The following TRIM63 variants were observed in gnomAD, a reference collection of about 807,000 sequenced individuals.
TRIM63 encodes the protein E3 ubiquitin-protein ligase TRIM63.
Under a neutral mutation model 46.0 loss-of-function variants are expected in TRIM63, and 48 were observed. The ratio of observed to expected loss-of-function variants is 1.04; its 90% confidence interval spans 0.83 to 1.33. The LOEUF (loss-of-function observed/expected upper bound fraction) is 1.33, where lower values mean the gene tolerates loss of function less well. Among genes scored for constraint, TRIM63 ranks in the 40% most tolerant of loss-of-function variants. The pLI is 0.00. For synonymous variants in TRIM63, 175 were observed against 162.8 expected, an observed-to-expected ratio of 1.08 and a Z score of -0.57; for missense variants, 455 against 441.2, an observed-to-expected ratio of 1.03 and a Z score of -0.28.
At position 26,067,388 on chromosome 1, in the gene TRIM63, A is replaced by G. The variant is rs764110952; in HGVS notation, c.107T>C (p.Ile36Thr). 9.9e-6 allele frequency: 16 copies of G among 1,614,072 alleles called. No homozygotes were observed. Among genetic ancestry groups the G allele is most frequent in the Non-Finnish European group, 8.5e-7 (1 of 1,180,046 alleles). ...CLEMFTKPVV[I>T]LPCQHNLCRK... is the part of the protein sequence containing the mutation. ...GCACAGGTTGTGCTGGCACGGCAAG[A>G]TGACCACTGGCTTGGTAAACATCTC... Residue 36 changes from isoleucine to threonine, a missense_variant, in exon 1 of 9, where the codon ATC (isoleucine) becomes ACC (threonine). Physicochemically the swap from Ile to Thr is moderately conservative, Grantham distance 89. Coordinates refer to ENST00000374272, the MANE Select transcript of TRIM63 (RefSeq NM_032588.4).
In TRIM63 at chr1:26,067,360, C is replaced by T. The variant is rs61760891; in HGVS notation, c.135G>A (p.Arg45=). ...CCTGGAAGATGTCATTGGCACACTT[C>T]CGGCACAGGTTGTGCTGGCACGGCA... ...VILPCQHNLC[R]KCANDIFQAA... is the part of the protein sequence containing the mutation. Residue 45 remains arginine (R), a synonymous_variant, in exon 1 of 9, where the codon CGG becomes CGA. Transcript: ENST00000374272. The T allele has an allele frequency of 2.5e-6, 4 of 1,614,046 alleles. No individual in the cohort carries two copies. In the African/African-American group the frequency reaches 5.3e-5, roughly 22 times the overall value.
chr1:26,066,024 A>C (rs2050673548), intron 2 of TRIM63, among the ~76,000 whole-genome samples: 1 of 152,056 alleles, frequency 6.6e-6, no homozygotes, highest in Non-Finnish European at 1.5e-5. Context: ...TCTTTCCCCC[A>C]GTCTCTGTCT....
Position 26,061,168 on chromosome 1 carries a change from T to C in TRIM63, c.499A>G (p.Lys167Glu), listed in dbSNP as rs752830787. The C allele has an allele frequency of 1.2e-6, 2 of 1,613,496 alleles. No individual in the cohort carries two copies. The highest frequency in any genetic ancestry group is 1.3e-5 in the African/African-American group (1 of 74,920). ...APLQSVFQGQ[K>E]TELNNCISML... Reference sequence around the variant, plus strand: ...GTAAAAGTGGCTGGAGACAGTACCTTTTGTCCCTGGAAGACACTCTGCAAT... The same window carrying C: ...GTAAAAGTGGCTGGAGACAGTACCTCTTGTCCCTGGAAGACACTCTGCAAT... The change falls in exon 3 of 9, where the codon AAG becomes GAG. Residue 167 changes from lysine (K) to glutamate (E), a missense_variant and splice_region_variant. Coordinates refer to ENST00000374272, the MANE Select transcript of TRIM63 (RefSeq NM_032588.4).
At chr1:26,061,106 G>C (rs1201076804) in intron 3 of TRIM63, 60 bp downstream of exon 3, 2 of 1,568,288 alleles carry the variant, frequency 1.3e-6, no homozygotes, top group African/African-American at 2.7e-5. Flanking sequence ...TCTGCCTCCT[G>C]AATCATCAGG....
intron 7 of TRIM63, among the ~76,000 whole-genome samples, chr1:26,055,321 T>A (rs1179156202): frequency 6.6e-6 from 1 of 152,186 alleles, no homozygotes; most frequent in Admixed American, 6.5e-5. Flanking sequence ...GAAGTTGTGT[T>A]AAATGATAAA....
chr1:26,060,202 C>T, intron 4 of TRIM63, 64 bp downstream of exon 4: 5 of 1,483,642 alleles, frequency 3.4e-6, no homozygotes, highest in Non-Finnish European at 4.7e-6. Context: ...GGTGAGCCTT[C>T]CCCAGAGACC....
In TRIM63 at chr1:26,059,278, T is replaced by G. The variant is rs192480847; in HGVS notation, c.598-655A>C. Among the ~76,000 whole-genome samples, 752 of 152,254 alleles carry G rather than the reference T, an allele frequency of 4.9e-3. 3 individuals are homozygous for G. The highest frequency in any genetic ancestry group is 0.017 in the African/African-American group (703 of 41,530). The stretch of plus-strand genomic sequence containing the variant: ...ACCTCATGATCCACCCAGCTTGACC[T>G]CCCAAAGTGCTGGGATTATAGGCAT... On this transcript the variant is annotated intron_variant, in intron 4 of 8. Transcript: ENST00000374272.
intron 7 of TRIM63, 49 bp downstream of exon 7, chr1:26,057,154 C>T: frequency 6.2e-7 from 1 of 1,610,154 alleles, no homozygotes; most frequent in Middle Eastern, 1.7e-4. Context: ...ATGCTGGTTT[C>T]CAGGGGTCAG....
chr1:26,058,579 G>A lies in TRIM63; in HGVS notation c.642C>T (p.Asp214=). 1 of 1,614,174 alleles carries A rather than the reference G, an allele frequency of 6.2e-7. No homozygotes were observed. The highest frequency in any genetic ancestry group is 8.5e-7 in the Non-Finnish European group (1 of 1,180,030). Residue 214 remains aspartate (D), a synonymous_variant, in exon 5 of 9, where the codon GAC becomes GAT. Coordinates refer to ENST00000374272, the MANE Select transcript of TRIM63 (RefSeq NM_032588.4). ...TCTCATCCAGGATGGCATACAACGT[G>A]TCAAACTTCTGGCTCAGCTCTTCCT... ...QVKEELSQKF[D]TLYAILDEKK...
chr1:26,063,417 A>G (rs2050645682), intron 2 of TRIM63, among the ~76,000 whole-genome samples: 1 of 152,126 alleles, frequency 6.6e-6, no homozygotes, highest in African/African-American at 2.4e-5. Flanking sequence ...CCTGGGCTCT[A>G]TTGTCCTCTG....
intron 2 of TRIM63, among the ~76,000 whole-genome samples, chr1:26,061,964 G>A (rs1029136938): frequency 2.6e-5 from 4 of 152,116 alleles, no homozygotes; most frequent in African/African-American, 9.7e-5. Context: ...ATTAAACAAA[G>A]GTAGAAAGAA....
intron 8 of TRIM63, among the ~76,000 whole-genome samples, chr1:26,052,656 G>A (rs2050533007): frequency 1.3e-5 from 2 of 151,760 alleles, no homozygotes; most frequent in Admixed American, 1.3e-4. Context: ...TAGTAGAGAC[G>A]GGGTTTCACC....
rs147632511 is a variant in TRIM63 at position 26,058,245 on chromosome 1, C to T, written c.831+145G>A. On this transcript the variant is annotated intron_variant, in intron 5 of 8. Transcript: ENST00000374272. ...AGGAAGGTGGGGGGTGTTACATGCCCATTTGACAGATGAGGAAACTGAGGC... is the reference window on the plus strand; with the variant it reads ...AGGAAGGTGGGGGGTGTTACATGCCTATTTGACAGATGAGGAAACTGAGGC... 122 of 678,098 alleles carry T rather than the reference C, an allele frequency of 1.8e-4. 1 individual carries two copies. In the African/African-American group the frequency reaches 1.9e-3, roughly 11 times the overall value. The allele number at this position is 678,098 out of a possible 1,614,324, so 42.0% of individuals were successfully genotyped here. A position where few individuals can be genotyped will look rare whatever the true frequency, so the allele number is the denominator to read the frequency against.
At chr1:26,062,012 A>G (rs763149484) in intron 2 of TRIM63, among the ~76,000 whole-genome samples, 8 of 152,224 alleles carry the variant, frequency 5.3e-5, no homozygotes, top group Non-Finnish European at 8.8e-5. Flanking sequence ...TCACGCCTGT[A>G]ATCCCAGCAC....
intron 1 of TRIM63, 34 bp downstream of exon 1, chr1:26,067,302 G>T: frequency 6.2e-7 from 1 of 1,609,922 alleles, no homozygotes; most frequent in Non-Finnish European, 8.5e-7. Flanking sequence ...GTAGCCACCT[G>T]GGGACCCCAA....
intron 8 of TRIM63, among the ~76,000 whole-genome samples, chr1:26,052,200 G>A (rs920291388): frequency 5.9e-5 from 9 of 152,174 alleles, no homozygotes; most frequent in African/African-American, 1.7e-4. Flanking sequence ...ATCAGACACC[G>A]TGCTAAACGA....
At chr1:26,060,181 C>T in intron 4 of TRIM63, 85 bp downstream of exon 4, 1 of 1,293,988 alleles carries the variant, frequency 7.7e-7, no homozygotes, top group East Asian at 2.3e-5. Flanking sequence ...AACCTTTAGC[C>T]ACAACCTATG....
At chr1:26,065,430 T>C (rs1251061013) in intron 2 of TRIM63, among the ~76,000 whole-genome samples, 1 of 152,164 alleles carries the variant, frequency 6.6e-6, no homozygotes, top group African/African-American at 2.4e-5. Flanking sequence ...TCAACAATTC[T>C]CCTGAAGAGC....
chr1:26,056,879 C>A (rs893274976), intron 7 of TRIM63, among the ~76,000 whole-genome samples: 2 of 151,946 alleles, frequency 1.3e-5, no homozygotes, highest in African/African-American at 2.4e-5. Flanking sequence ...TCTCCTGCCT[C>A]AGCTTCCCAA....
Sources: gnomAD v4.1 joint callset for allele counts (sites outside exome capture counted in the v4.1 genomes callset) on GRCh38, gnomAD v4.1.1 for gene constraint, MANE v1.5 for transcripts, NCBI Gene and HGNC (gene_info 2026-07-23, HGNC 2026-07-21) for gene names.